MKX: variants seen among roughly 807,000 people sequenced by gnomAD.
MKX encodes mohawk homeobox.
MKX carries 13 observed loss-of-function variants against 36.0 expected under a neutral mutation model. The observed-to-expected ratio is 0.36, with a 90% CI of 0.24 to 0.57. The LOEUF (loss-of-function observed/expected upper bound fraction) is 0.57. Ranked by LOEUF, MKX falls within the 20% of genes least tolerant of loss-of-function variation. The pLI, the probability that MKX is intolerant of heterozygous loss-of-function variation, is 0.79. For synonymous variants in MKX, 176 were observed against 178.3 expected (o/e 0.99, Z 0.10); for missense variants, 458 against 456.4 (o/e 1.00, Z -0.03).
At chr10:27,731,528 C>T (rs936210415) in intron 5 of MKX, among the ~76,000 whole-genome samples, 2 of 152,164 alleles carry the variant, frequency 1.3e-5, no homozygotes, top group African/African-American at 4.8e-5. Context: ...CAGTCTTAGG[C>T]CACCAGCCTT....
At chr10:27,694,527 A>AAAAAAAAAT (rs547670335) in intron 5 of MKX, among the ~76,000 whole-genome samples, 5 of 114,334 alleles carry the variant, frequency 4.4e-5, no homozygotes, top group Admixed American at 4.0e-4. Flanking sequence ...AAAAAAAAAA[A>AAAAAAAAAT]ATATATATAT....
At position 27,675,529 on chromosome 10, in the gene MKX, C is replaced by CT. The variant is rs1386983267; in HGVS notation, c.863dup (p.Glu290Ter). On this transcript the variant is annotated frameshift_variant, in exon 6 of 7. Coordinates refer to ENST00000419761, the MANE Select transcript of MKX (RefSeq NM_173576.3). LOFTEE classifies it high-confidence loss of function. The stretch of plus-strand genomic sequence containing the variant: ...GGGAACATTTTGCTCACCTTTCACC[C>CT]TTATTGGATCCGTTTTCCAGAGTGT... 6.2e-7 allele frequency: 1 copy of CT among 1,613,916 alleles called. No individual in the cohort carries two copies. The highest frequency in any genetic ancestry group is 1.3e-5 in the African/African-American group (1 of 74,904).
intron 5 of MKX, among the ~76,000 whole-genome samples, chr10:27,715,167 C>T (rs1836941990): frequency 6.7e-6 from 1 of 148,946 alleles, no homozygotes; most frequent in African/African-American, 2.4e-5. Flanking sequence ...ATAGTTTTGG[C>T]CTCCATGGCT....
At chr10:27,692,542 T>C (rs1018802243) in intron 5 of MKX, among the ~76,000 whole-genome samples, 1 of 152,228 alleles carries the variant, frequency 6.6e-6, no homozygotes, top group African/African-American at 2.4e-5. Context: ...TGCAAAATTG[T>C]TGTGCTGGTA....
rs966696979 is a variant in MKX at position 27,675,404 on chromosome 10, C to G, written c.884G>C (p.Arg295Thr). The G allele has an allele frequency of 6.2e-7, 1 of 1,614,148 alleles. No individual in the cohort carries two copies. The highest frequency in any genetic ancestry group is 8.5e-7 in the Non-Finnish European group (1 of 1,180,034). ...GSNKGESAAN[R>T]KGPSKDDTYW... is the part of the protein sequence containing the mutation. The stretch of plus-strand genomic sequence containing the variant: ...CGTGTCATCCTTGCTTGGTCCTTTT[C>G]TGTTAGCTGCGCTGGAGTTAAGCAA... The change falls in exon 7 of 7, where the codon AGA becomes ACA. Residue 295 changes from arginine (R) to threonine (T), a missense_variant. By Grantham distance (71) the Arg-to-Thr change is moderately conservative. Transcript: ENST00000419761.
chr10:27,680,596 T>G (rs1369965145), intron 5 of MKX, among the ~76,000 whole-genome samples: 1 of 152,190 alleles, frequency 6.6e-6, no homozygotes, highest in Non-Finnish European at 1.5e-5. Context: ...ACATTAATTC[T>G]GATATATATT....
intron 5 of MKX, among the ~76,000 whole-genome samples, chr10:27,677,961 A>G (rs1234780019): frequency 6.6e-6 from 1 of 152,234 alleles, no homozygotes; most frequent in Non-Finnish European, 1.5e-5. Context: ...GCTACTTTCC[A>G]TAATTTTGCA....
At chr10:27,723,926 C>A (rs967962086) in intron 5 of MKX, among the ~76,000 whole-genome samples, 1 of 152,170 alleles carries the variant, frequency 6.6e-6, no homozygotes, top group Non-Finnish European at 1.5e-5. Flanking sequence ...TCTTAATACA[C>A]AGGCAACTAT....
At chr10:27,687,572 C>T (rs1199314136) in intron 5 of MKX, among the ~76,000 whole-genome samples, 2 of 152,122 alleles carry the variant, frequency 1.3e-5, no homozygotes, top group African/African-American at 4.8e-5. Flanking sequence ...CTTCTGGCCT[C>T]GTCAGTCTGG....
intron 5 of MKX, among the ~76,000 whole-genome samples, chr10:27,680,784 T>C (rs1214043608): frequency 6.6e-6 from 1 of 152,050 alleles, no homozygotes; most frequent in Non-Finnish European, 1.5e-5. Context: ...TTAAATTAAA[T>C]AATCCAAAAA....
At chr10:27,709,476 G>C (rs898008379) in intron 5 of MKX, among the ~76,000 whole-genome samples, 3 of 152,118 alleles carry the variant, frequency 2.0e-5, no homozygotes, top group Non-Finnish European at 4.4e-5. Flanking sequence ...TGTACTGTAG[G>C]GTAGTCAACA....
intron 5 of MKX, among the ~76,000 whole-genome samples, chr10:27,717,524 T>C (rs115204802): frequency 0.012 from 1,843 of 152,288 alleles, 31 homozygotes; most frequent in African/African-American, 0.039. Context: ...GCATTTCTCT[T>C]GCCCTTCTTA....
At position 27,675,410 on chromosome 10, in the gene MKX, G is replaced by C. The variant is rs1198884608; in HGVS notation, c.878C>G (p.Ala293Gly). 1.2e-6 allele frequency: 2 copies of C among 1,614,164 alleles called. No homozygotes were observed. The highest frequency in any genetic ancestry group is 1.7e-6 in the Non-Finnish European group (2 of 1,180,038). The part of the protein sequence containing the change: ...ENGSNKGESA[A>G]NRKGPSKDDT... ...ATCCTTGCTTGGTCCTTTTCTGTTA[G>C]CTGCGCTGGAGTTAAGCAAAACAGA... The change falls in exon 7 of 7, where the codon GCT becomes GGT. Residue 293 changes from alanine to glycine, a missense_variant. By Grantham distance (60) the Ala-to-Gly change is moderately conservative. Transcript: ENST00000419761.
At chr10:27,719,878 C>T (rs1156585134) in intron 5 of MKX, among the ~76,000 whole-genome samples, 1 of 151,326 alleles carries the variant, frequency 6.6e-6, no homozygotes, top group Admixed American at 6.6e-5. Context: ...ATCCCAGCTA[C>T]TCTCGAGGCC....
chr10:27,708,501 G>A (rs1836795756), intron 5 of MKX, among the ~76,000 whole-genome samples: 1 of 152,186 alleles, frequency 6.6e-6, no homozygotes, highest in Non-Finnish European at 1.5e-5. Context: ...GGAGGCCGAG[G>A]TGGGCAGATC....
chr10:27,678,306 G>T lies in MKX; in HGVS notation c.839-2752C>A, dbSNP rs140683412. ...CATTTTACAGAGGAAAAAAAAATGA[G>T]TTAGGCCTTTGCTCCGTTTTGCCCA... On this transcript the variant is annotated intron_variant, in intron 5 of 6. Transcript: ENST00000419761. Among the ~76,000 whole-genome samples, 10 of 152,314 alleles carry T rather than the reference G, an allele frequency of 6.6e-5. No homozygotes were observed. In the East Asian group the frequency reaches 1.9e-3, roughly 29 times the overall value.
intron 5 of MKX, among the ~76,000 whole-genome samples, chr10:27,711,477 TTCTTTC>T (rs1414949226): frequency 2.1e-3 from 21 of 10,052 alleles, no homozygotes; most frequent in African/African-American, 4.6e-3. Flanking sequence ...CTTTCTTTCT[TTCTTTC>T]TCTCTCTCTC....
intron 3 of MKX, among the ~76,000 whole-genome samples, chr10:27,740,418 TA>T (rs1202591426): frequency 6.6e-6 from 1 of 152,228 alleles, no homozygotes; most frequent in African/African-American, 2.4e-5. Context: ...GTATTTATTT[TA>T]AAAAATTGTG....
intron 5 of MKX, among the ~76,000 whole-genome samples, chr10:27,690,294 C>CT (rs1836429829): frequency 1.5e-4 from 8 of 53,902 alleles, no homozygotes; most frequent in African/African-American, 4.6e-4. Context: ...TCATTTGAGC[C>CT]CGGAGGCGGA....
Sources: gnomAD v4.1 joint callset for allele counts (sites outside exome capture counted in the v4.1 genomes callset) on GRCh38, gnomAD v4.1.1 for gene constraint, MANE v1.5 for transcripts, NCBI Gene and HGNC (gene_info 2026-07-23, HGNC 2026-07-21) for gene names.